Variants in AFF3 observed in about 807,000 individuals in gnomAD.
AFF3 encodes the protein AF4/FMR2 family member 3.
Under a neutral mutation model 129.7 loss-of-function variants are expected in AFF3, and 32 were observed. That is an observed-to-expected ratio of 0.25 (90% CI 0.19 to 0.33). AFF3 has a LOEUF of 0.33. Ranked by LOEUF, AFF3 falls within the 10% of genes least tolerant of loss-of-function variation. The pLI, the probability that AFF3 is intolerant of heterozygous loss-of-function variation, is 1.00. For missense variants in AFF3, 1,373 were observed against 1,592.0 expected, an observed-to-expected ratio of 0.86 and a Z score of 2.34; for synonymous variants, 644 against 635.4, an observed-to-expected ratio of 1.01 and a Z score of -0.20.
chr2:100,007,843 C>CG (rs1559052245), intron 5 of AFF3: 1 of 201,508 alleles, frequency 5.0e-6, no homozygotes, highest in Non-Finnish European at 1.0e-5. Flanking sequence ...GGTGTGGTGT[C>CG]GGGCTGCTGT....
chr2:99,676,538 C>A (rs1025534382), intron 11 of AFF3, among the ~76,000 whole-genome samples: 6 of 152,180 alleles, frequency 3.9e-5, no homozygotes, highest in Non-Finnish European at 8.8e-5. Context: ...AAGCACGGGA[C>A]CTTACGCCAG....
chr2:100,122,929 A>G (rs72819176), intron 2 of AFF3, among the ~76,000 whole-genome samples: 24,888 of 152,216 alleles, frequency 0.16, 2,383 homozygotes, highest in African/African-American at 0.24. Flanking sequence ...CTCCCAGGAA[A>G]GTGTGGGAAA....
At chr2:99,969,641 A>T (rs1012765153) in intron 7 of AFF3, among the ~76,000 whole-genome samples, 18 of 151,828 alleles carry the variant, frequency 1.2e-4, no homozygotes, top group Non-Finnish European at 2.4e-4. Flanking sequence ...GGTGCCTGCC[A>T]CCCCACCCAG....
rs547589132 is a variant in AFF3, at chr2:100,007,734, G to C, written c.175-274C>G. 8 of 445,110 alleles carry C rather than the reference G, an allele frequency of 1.8e-5. No homozygotes were observed. The Admixed American group carries it at 2.7e-4, about 15-fold the overall frequency. 27.6% of individuals were successfully genotyped at this position (445,110 alleles called of 1,614,324 possible). A position where few individuals can be genotyped will look rare whatever the true frequency, so the allele number is the denominator to read the frequency against. ...TCATGCCTGGAATCCCAGCACTTTG[G>C]GAGGCCGAGGTGGGCGGAACACCTG... On this transcript the variant is annotated intron_variant, in intron 5 of 24. Coordinates refer to ENST00000672756, the MANE Select transcript of AFF3 (RefSeq NM_001386135.1).
intron 2 of AFF3, among the ~76,000 whole-genome samples, chr2:100,118,748 C>G (rs1387603653): frequency 6.6e-6 from 1 of 151,978 alleles, no homozygotes; most frequent in African/African-American, 2.4e-5. Context: ...CTGTAGAACT[C>G]AGCCCTTTGG....
intron 4 of AFF3, among the ~76,000 whole-genome samples, chr2:100,042,482 C>T (rs746235936): frequency 6.6e-6 from 1 of 152,172 alleles, no homozygotes; most frequent in Non-Finnish European, 1.5e-5. Context: ...AGATCCACCA[C>T]AAGCATTTGT....
chr2:99,837,433 C>A, intron 8 of AFF3, 44 bp downstream of exon 8: 1 of 1,576,574 alleles, frequency 6.3e-7, no homozygotes, highest in South Asian at 1.1e-5. Flanking sequence ...TATTTAGAGT[C>A]TATGTCCCAC....
chr2:99,845,028 T>C (rs1241813852), intron 7 of AFF3, among the ~76,000 whole-genome samples: 1 of 152,136 alleles, frequency 6.6e-6, no homozygotes, highest in Non-Finnish European at 1.5e-5. Flanking sequence ...TTATCTACAT[T>C]ACAAAGAAAT....
At chr2:99,916,162 C>A (rs1422329745) in intron 7 of AFF3, among the ~76,000 whole-genome samples, 2 of 152,162 alleles carry the variant, frequency 1.3e-5, no homozygotes, top group Non-Finnish European at 2.9e-5. Context: ...GGTGGCCCTA[C>A]AGGAGAGCTC....
intron 9 of AFF3, among the ~76,000 whole-genome samples, chr2:99,750,617 A>T (rs1464366740): frequency 3.3e-5 from 5 of 151,938 alleles, no homozygotes; most frequent in Non-Finnish European, 5.9e-5. Context: ...GTGTCTCACT[A>T]TGTTGCCCAA....
chr2:99,743,952 G>C, intron 10 of AFF3, 152 bp downstream of exon 10: 1 of 583,542 alleles, frequency 1.7e-6, no homozygotes, highest in Non-Finnish European at 2.9e-6. Flanking sequence ...TATTCATTTG[G>C]GCAGCACTTG....
intron 4 of AFF3, chr2:100,011,474 G>C (rs1390158635): frequency 3.8e-6 from 3 of 780,946 alleles, no homozygotes; most frequent in South Asian, 2.7e-5. Flanking sequence ...CTTCTCAGAA[G>C]GCCCCCATGC....
Position 100,032,255 on chromosome 2 carries a change from G to A in AFF3, c.54-23323C>T, listed in dbSNP as rs951267374. ...ATCCCAGCCAACATGGTGAAACCCCGTCTCTACTAAAAATACAAAACAAAT... is the reference window on the plus strand; with the variant it reads ...ATCCCAGCCAACATGGTGAAACCCCATCTCTACTAAAAATACAAAACAAAT... On this transcript the variant is annotated intron_variant, in intron 4 of 24. Transcript: ENST00000672756. Among the ~76,000 whole-genome samples the A allele has an allele frequency of 3.3e-5, 5 of 152,018 alleles. 1 individual carries two copies. Among genetic ancestry groups the A allele is most frequent in the South Asian group, 4.2e-4 (2 of 4,810 alleles).
chr2:99,662,049 A>T (rs1023824110), intron 12 of AFF3, among the ~76,000 whole-genome samples: 3 of 152,112 alleles, frequency 2.0e-5, no homozygotes, highest in Non-Finnish European at 4.4e-5. Context: ...CTGAGGCAGG[A>T]GAATCGCTTG....
rs560658346 is a variant in AFF3 at position 99,607,499 on chromosome 2, T to C, written c.1185-5878A>G. Among the ~76,000 whole-genome samples the C allele has an allele frequency of 7.2e-4, 109 of 150,856 alleles. 1 individual carries two copies. The highest frequency in any genetic ancestry group is 1.5e-3 in the South Asian group (7 of 4,754). On this transcript the variant is annotated intron_variant, in intron 13 of 24. Coordinates refer to ENST00000672756, the MANE Select transcript of AFF3 (RefSeq NM_001386135.1). ...GTGAGCCGAGATTGTGCCACTGCACTCCAGCCTGGGCGACAGTGTGAGACT... is the reference window on the plus strand; with the variant it reads ...GTGAGCCGAGATTGTGCCACTGCACCCCAGCCTGGGCGACAGTGTGAGACT...
At chr2:100,132,491 ATAACT>A (rs1356412303) in intron 1 of AFF3, among the ~76,000 whole-genome samples, 1 of 152,262 alleles carries the variant, frequency 6.6e-6, no homozygotes, top group African/African-American at 2.4e-5. Context: ...ATAAGATATA[ATAACT>A]TAATGAAGAG....
At chr2:99,774,801 C>G (rs1418099898) in intron 8 of AFF3, among the ~76,000 whole-genome samples, 2 of 152,100 alleles carry the variant, frequency 1.3e-5, no homozygotes, top group Non-Finnish European at 2.9e-5. Context: ...ACAGAGTAAA[C>G]AGACAACCTA....
At chr2:99,906,086 T>A (rs1422614405) in intron 7 of AFF3, among the ~76,000 whole-genome samples, 3 of 152,182 alleles carry the variant, frequency 2.0e-5, no homozygotes, top group Non-Finnish European at 4.4e-5. Context: ...AGCCAGCTGA[T>A]TTTTAGGCAT....
intron 2 of AFF3, among the ~76,000 whole-genome samples, chr2:100,120,273 C>T (rs898190144): frequency 1.3e-5 from 2 of 151,974 alleles, no homozygotes; most frequent in East Asian, 1.9e-4. Context: ...AGCATGAAAC[C>T]GTGGTCACAG....
Sources: allele counts gnomAD v4.1 joint callset (sites outside exome capture counted in the v4.1 genomes callset), GRCh38; gene constraint gnomAD v4.1.1; transcripts MANE v1.5; gene names NCBI Gene and HGNC (gene_info 2026-07-23, HGNC 2026-07-21).